STAG1: variants seen among roughly 807,000 people sequenced by gnomAD.
STAG1 encodes cohesin subunit SA-1.
STAG1 carries 26 observed loss-of-function variants against 170.9 expected under a neutral mutation model. The observed-to-expected ratio is 0.15, with a 90% CI of 0.11 to 0.21. The LOEUF (loss-of-function observed/expected upper bound fraction) is 0.21, where lower values mean the gene tolerates loss of function less well. Ranked by LOEUF, STAG1 falls within the 10% of genes least tolerant of loss-of-function variation. The pLI is 1.00. For missense variants in STAG1, 964 were observed against 1,509.5 expected, an observed-to-expected ratio of 0.64 and a Z score of 5.99; for synonymous variants, 514 against 497.7, an observed-to-expected ratio of 1.03 and a Z score of -0.44.
At chr3:136,742,243 C>T (rs1031306916) in intron 1 of STAG1, among the ~76,000 whole-genome samples, 1 of 152,158 alleles carries the variant, frequency 6.6e-6, no homozygotes, top group African/African-American at 2.4e-5. Context: ...CTACACCCAA[C>T]AACTGCAAAA....
intron 22 of STAG1, among the ~76,000 whole-genome samples, chr3:136,397,477 A>T (rs1373816373): frequency 2.0e-5 from 3 of 151,922 alleles, no homozygotes; most frequent in African/African-American, 4.8e-5. Flanking sequence ...CCATCAAAAT[A>T]GTATGAATTC....
At chr3:136,435,655 T>C (rs1282866069) in intron 15 of STAG1, among the ~76,000 whole-genome samples, 2 of 152,104 alleles carry the variant, frequency 1.3e-5, no homozygotes, top group South Asian at 2.1e-4. Context: ...ATAGATTCTA[T>C]ACTTTCCCGA....
At chr3:136,738,693 C>T (rs904246403) in intron 1 of STAG1, among the ~76,000 whole-genome samples, 4 of 152,122 alleles carry the variant, frequency 2.6e-5, no homozygotes, top group African/African-American at 9.7e-5. Flanking sequence ...TTTCATTAGA[C>T]AGGAGGAATA....
At chr3:136,426,756 T>C (rs1304624634) in intron 16 of STAG1, among the ~76,000 whole-genome samples, 2 of 151,792 alleles carry the variant, frequency 1.3e-5, no homozygotes, top group East Asian at 3.9e-4. Context: ...TTGGCCAACA[T>C]AATGAAACCC....
At chr3:136,728,226 G>A (rs758806293) in intron 1 of STAG1, among the ~76,000 whole-genome samples, 1 of 152,046 alleles carries the variant, frequency 6.6e-6, no homozygotes, top group Non-Finnish European at 1.5e-5. Flanking sequence ...ATAGTAAATT[G>A]AGTCCATGAT....
rs187127877 is a variant in STAG1, at chr3:136,642,517, C to T, written c.-83-11536G>A. Reference sequence around the variant, plus strand: ...AAACTCCCAAGTGATCCACCCGCCTCGGCCTCCCAACATGCTGGGATCACA... The same window carrying T: ...AAACTCCCAAGTGATCCACCCGCCTTGGCCTCCCAACATGCTGGGATCACA... On this transcript the variant is annotated intron_variant, in intron 1 of 33. Coordinates refer to ENST00000383202, the MANE Select transcript of STAG1 (RefSeq NM_005862.3). Among the ~76,000 whole-genome samples, 23 of 152,158 alleles carry T rather than the reference C, an allele frequency of 1.5e-4. No homozygotes were observed. In the East Asian group the frequency reaches 3.7e-3, roughly 24 times the overall value.
At chr3:136,600,633 G>A (rs1234916364) in intron 4 of STAG1, among the ~76,000 whole-genome samples, 1 of 152,216 alleles carries the variant, frequency 6.6e-6, no homozygotes, top group Non-Finnish European at 1.5e-5. Context: ...CCGGGTTCAA[G>A]CAATTCTCCT....
At chr3:136,367,436 A>G (rs956393984) in intron 24 of STAG1, among the ~76,000 whole-genome samples, 7 of 152,010 alleles carry the variant, frequency 4.6e-5, no homozygotes, top group African/African-American at 1.7e-4. Context: ...AGATTTGGGC[A>G]TCCATGGATT....
chr3:136,512,096 T>TAAAAAAA (rs35238532), intron 7 of STAG1, among the ~76,000 whole-genome samples: 667 of 65,110 alleles, frequency 0.01, no homozygotes, highest in African/African-American at 0.012. Flanking sequence ...CTCTACAAAA[T>TAAAAAAA]AAAAAAAAAA....
rs1043621375 is a variant in STAG1 at position 136,416,615 on chromosome 3, T to C, written c.2196+1270A>G. Among the ~76,000 whole-genome samples the C allele has an allele frequency of 2.9e-4, 44 of 152,324 alleles. 1 individual carries two copies. Among genetic ancestry groups the C allele is most frequent in the African/African-American group, 1.0e-3 (43 of 41,590 alleles). On this transcript the variant is annotated intron_variant, in intron 21 of 33. Transcript: ENST00000383202. ...AACTTAGAAGCATGGCTTGAAAATA[T>C]GAGTGAATTTTATTTAGGTTGCTGG...
chr3:136,463,901 A>G (rs951736099), intron 13 of STAG1, among the ~76,000 whole-genome samples: 1 of 147,594 alleles, frequency 6.8e-6, no homozygotes, highest in East Asian at 1.9e-4. Flanking sequence ...ATATACATAT[A>G]TACTTACATA....
chr3:136,678,996 C>CA (rs34852075), intron 1 of STAG1, among the ~76,000 whole-genome samples: 30,356 of 81,298 alleles, frequency 0.37, 4,045 homozygotes, highest in African/African-American at 0.49. Context: ...AAATACTTCA[C>CA]AAAAAAAAAA....
At chr3:136,364,791 A>G (rs1315767538) in intron 25 of STAG1, among the ~76,000 whole-genome samples, 1 of 152,216 alleles carries the variant, frequency 6.6e-6, no homozygotes, top group African/African-American at 2.4e-5. Flanking sequence ...TCTACAGCCT[A>G]TGTGAAGAAG....
At chr3:136,568,933 G>T in intron 4 of STAG1, 72 bp from the exon 5 acceptor site, 2 of 969,178 alleles carry the variant, frequency 2.1e-6, no homozygotes, top group Non-Finnish European at 3.1e-6. Flanking sequence ...TTTCAAAAAA[G>T]TTTGTGTGTT....
chr3:136,718,147 T>C (rs1174630949), intron 1 of STAG1, among the ~76,000 whole-genome samples: 1 of 152,178 alleles, frequency 6.6e-6, no homozygotes, highest in Non-Finnish European at 1.5e-5. Flanking sequence ...ATCTCACTAA[T>C]CAAAAGTAAC....
At chr3:136,682,454 T>C (rs900752346) in intron 1 of STAG1, among the ~76,000 whole-genome samples, 42 of 149,170 alleles carry the variant, frequency 2.8e-4, no homozygotes, top group African/African-American at 9.3e-4. Context: ...AAAATATATA[T>C]ATATATATAC....
At chr3:136,456,330 T>C (rs1478469407) in intron 13 of STAG1, among the ~76,000 whole-genome samples, 1 of 151,928 alleles carries the variant, frequency 6.6e-6, no homozygotes, top group African/African-American at 2.4e-5. Flanking sequence ...TTTTTAAAAA[T>C]CAAATATACA....
At chr3:136,608,276 G>A (rs555327535) in intron 3 of STAG1, among the ~76,000 whole-genome samples, 12 of 150,414 alleles carry the variant, frequency 8.0e-5, no homozygotes, top group Admixed American at 4.6e-4. Flanking sequence ...AAAAAAAACT[G>A]CACACTGGTA....
chr3:136,724,102 T>C (rs924462395), intron 1 of STAG1, among the ~76,000 whole-genome samples: 19 of 151,374 alleles, frequency 1.3e-4, no homozygotes, highest in African/African-American at 4.6e-4. Context: ...CTGGGAGGTG[T>C]ACCCAACAGC....
Sources: allele counts gnomAD v4.1 joint callset (sites outside exome capture counted in the v4.1 genomes callset), GRCh38; gene constraint gnomAD v4.1.1; transcripts MANE v1.5; gene names NCBI Gene and HGNC (gene_info 2026-07-23, HGNC 2026-07-21).